SORCS2: variants seen among roughly 807,000 people sequenced by gnomAD.
SORCS2 encodes sortilin related VPS10 domain containing receptor 2.
Under a neutral mutation model 141.6 loss-of-function variants are expected in SORCS2, and 100 were observed. That is an observed-to-expected ratio of 0.71 (90% CI 0.60 to 0.83). SORCS2 has a LOEUF of 0.83. Among genes scored for constraint, SORCS2 ranks in the 40% least tolerant of loss-of-function variants. SORCS2 has a pLI of 0.00. For synonymous variants in SORCS2, 789 were observed against 676.9 expected (o/e 1.17, Z -2.57); for missense variants, 1,646 against 1,560.2 (o/e 1.05, Z -0.93).
intron 1 of SORCS2, among the ~76,000 whole-genome samples, chr4:7,217,867 A>T (rs951109063): frequency 3.9e-5 from 6 of 152,010 alleles, no homozygotes; most frequent in African/African-American, 1.5e-4. Context: ...TCTTGAAGGG[A>T]TTGTGTATTT....
At chr4:7,590,716 C>G (rs1241429637) in intron 3 of SORCS2, among the ~76,000 whole-genome samples, 1 of 152,202 alleles carries the variant, frequency 6.6e-6, no homozygotes, top group Non-Finnish European at 1.5e-5. Flanking sequence ...CCCTGGGAGA[C>G]TTCATTCCTA....
At chr4:7,452,737 T>C (rs4563497) in intron 2 of SORCS2, among the ~76,000 whole-genome samples, 137,371 of 152,288 alleles carry the variant, frequency 0.9, 62,868 homozygotes, top group Non-Finnish European at 0.98. Context: ...GCTCCTAGGA[T>C]TGCCGGAAAG....
intron 1 of SORCS2, among the ~76,000 whole-genome samples, chr4:7,390,858 G>A (rs1292519674): frequency 4.6e-5 from 7 of 152,196 alleles, no homozygotes; most frequent in Admixed American, 4.6e-4. Context: ...TGATGTTTGG[G>A]GGTTCTAAAG....
chr4:7,425,025 C>G (rs73086312), intron 2 of SORCS2, among the ~76,000 whole-genome samples: 8 of 152,162 alleles, frequency 5.3e-5, no homozygotes, highest in Non-Finnish European at 1.0e-4. Flanking sequence ...ATCTGTGGGC[C>G]GAGCTCAGGG....
intron 2 of SORCS2, among the ~76,000 whole-genome samples, chr4:7,483,619 C>T (rs1404149276): frequency 6.6e-6 from 1 of 152,098 alleles, no homozygotes; most frequent in Non-Finnish European, 1.5e-5. Context: ...AAAGCACCTA[C>T]TGTACATGGG....
intron 1 of SORCS2, among the ~76,000 whole-genome samples, chr4:7,232,975 G>T (rs919437674): frequency 1.3e-5 from 2 of 152,200 alleles, no homozygotes; most frequent in Admixed American, 6.5e-5. Flanking sequence ...AGTGATGGGC[G>T]CAGTGTAGGA....
At chr4:7,348,403 T>C (rs537161628) in intron 1 of SORCS2, among the ~76,000 whole-genome samples, 2 of 152,344 alleles carry the variant, frequency 1.3e-5, no homozygotes, top group African/African-American at 4.8e-5. Context: ...CTCTTTCTTG[T>C]GGCATGCATT....
chr4:7,260,739 G>T (rs1049815714), intron 1 of SORCS2, among the ~76,000 whole-genome samples: 1 of 152,222 alleles, frequency 6.6e-6, no homozygotes, highest in African/African-American at 2.4e-5. Flanking sequence ...GAACCAGAGA[G>T]ACTTCCTGGA....
At chr4:7,506,868 A>G (rs1302520979) in intron 2 of SORCS2, among the ~76,000 whole-genome samples, 1 of 152,192 alleles carries the variant, frequency 6.6e-6, no homozygotes, top group Non-Finnish European at 1.5e-5. Flanking sequence ...AAACAAATGA[A>G]ACAAAGCAGC....
chr4:7,352,701 C>T (rs1423568972), intron 1 of SORCS2, among the ~76,000 whole-genome samples: 1 of 152,234 alleles, frequency 6.6e-6, no homozygotes, highest in African/African-American at 2.4e-5. Flanking sequence ...GGACACCTCA[C>T]AGCCTCACAC....
At chr4:7,206,718 A>G (rs1343969620) in intron 1 of SORCS2, among the ~76,000 whole-genome samples, 1 of 152,158 alleles carries the variant, frequency 6.6e-6, no homozygotes, top group Non-Finnish European at 1.5e-5. Context: ...TGGTGGGGCC[A>G]CTGGGTCAGC....
chr4:7,537,628 C>T (rs1202131167), intron 3 of SORCS2, among the ~76,000 whole-genome samples: 1 of 152,158 alleles, frequency 6.6e-6, no homozygotes, highest in Non-Finnish European at 1.5e-5. Flanking sequence ...GTGAACTGGA[C>T]AAACAGCTCT....
Position 7,192,742 on chromosome 4 carries a change from C to T in SORCS2, c.96C>T (p.Arg32=). ...PGAPPPPRSP[R]SRPLLLLLLL... is the part of the protein sequence containing the mutation. ...CTCCGCCGCCGCCGCGCTCGCCGCGCTCGCGGCCGCTCCTGCTGCTGCTGC... is the reference window on the plus strand; with the variant it reads ...CTCCGCCGCCGCCGCGCTCGCCGCGTTCGCGGCCGCTCCTGCTGCTGCTGC... The change falls in exon 1 of 27, where the codon CGC becomes CGT. Residue 32 remains arginine, a synonymous_variant. Coordinates refer to ENST00000507866, the MANE Select transcript of SORCS2 (RefSeq NM_020777.3). The surrounding 1 kb of genome is among the most constrained non-coding windows in gnomAD (Gnocchi z 4.0). 1.0e-6 allele frequency: 1 copy of T among 994,490 alleles called. No homozygotes were observed. The highest frequency in any genetic ancestry group is 5.1e-4 in the Middle Eastern group (1 of 1,960). The allele number at this position is 994,490 out of a possible 1,614,324, so 61.6% of individuals were successfully genotyped here.
chr4:7,432,136 C>CTG (rs1352882784), intron 2 of SORCS2: 53 of 152,380 alleles, frequency 3.5e-4, no homozygotes, highest in African/African-American at 1.3e-3. Flanking sequence ...GGAAACCCCC[C>CTG]CCGGAGGCTT....
At chr4:7,638,655 C>T (rs1720430925) in intron 4 of SORCS2, among the ~76,000 whole-genome samples, 163 bp downstream of exon 4, 1 of 152,088 alleles carries the variant, frequency 6.6e-6, no homozygotes, top group Non-Finnish European at 1.5e-5. Context: ...CCGTCATCGC[C>T]CTCTCCTTGG....
At chr4:7,602,596 G>A (rs997093464) in intron 3 of SORCS2, among the ~76,000 whole-genome samples, 4 of 150,196 alleles carry the variant, frequency 2.7e-5, no homozygotes, top group South Asian at 2.1e-4. Flanking sequence ...CTTCCTTGAC[G>A]GGATGACTGC....
At chr4:7,265,799 A>G (rs1560150865) in intron 1 of SORCS2, among the ~76,000 whole-genome samples, 1 of 152,168 alleles carries the variant, frequency 6.6e-6, no homozygotes, top group Non-Finnish European at 1.5e-5. Flanking sequence ...AGGTATCAGG[A>G]CACGGACATC....
At chr4:7,290,673 G>A (rs1205906460) in intron 1 of SORCS2, among the ~76,000 whole-genome samples, 1 of 152,192 alleles carries the variant, frequency 6.6e-6, no homozygotes, top group Admixed American at 6.5e-5. Context: ...ATCCATGTAT[G>A]CACACATGTG....
chr4:7,342,118 T>C (rs1720402317), intron 1 of SORCS2, among the ~76,000 whole-genome samples: 1 of 152,234 alleles, frequency 6.6e-6, no homozygotes, highest in Non-Finnish European at 1.5e-5. Context: ...ACAATTGTGT[T>C]GTCCATCTCG....
Sources: gnomAD v4.1 joint callset for allele counts (sites outside exome capture counted in the v4.1 genomes callset) on GRCh38, gnomAD v4.1.1 for gene constraint, Gnocchi (gnomAD v3.1) non-coding constraint, MANE v1.5 for transcripts, NCBI Gene and HGNC (gene_info 2026-07-23, HGNC 2026-07-21) for gene names.